Variants in PGGT1B observed in about 807,000 individuals in gnomAD.
PGGT1B encodes the protein geranylgeranyl transferase type-1 subunit beta.
In PGGT1B, 30 loss-of-function variants were observed where a neutral mutation model predicts 46.1. The ratio of observed to expected loss-of-function variants is 0.65; its 90% CI spans 0.49 to 0.88. The LOEUF is 0.88. Ranked by LOEUF, PGGT1B falls within the 40% of genes least tolerant of loss-of-function variation. The pLI is 0.00. For missense variants in PGGT1B, 376 were observed against 455.9 expected, an observed-to-expected ratio of 0.82 and a Z score of 1.60; for synonymous variants, 170 against 160.0, an observed-to-expected ratio of 1.06 and a Z score of -0.47.
At chr5:115,247,429 C>T (rs1034424775) in intron 2 of PGGT1B, among the ~76,000 whole-genome samples, 2 of 152,126 alleles carry the variant, frequency 1.3e-5, no homozygotes, top group African/African-American at 4.8e-5. Flanking sequence ...AACTGATTTG[C>T]TCATGTTCTT....
chr5:115,231,361 G>C (rs1442064460), intron 5 of PGGT1B, among the ~76,000 whole-genome samples: 1 of 151,964 alleles, frequency 6.6e-6, no homozygotes, highest in African/African-American at 2.4e-5. Context: ...GGAGGAAAAT[G>C]TAAGGATTTC....
intron 7 of PGGT1B, among the ~76,000 whole-genome samples, chr5:115,219,306 G>A (rs1259292269): frequency 1.3e-5 from 2 of 151,770 alleles, no homozygotes; most frequent in African/African-American, 4.8e-5. Flanking sequence ...CATATATATA[G>A]TCAACTGACT....
intron 1 of PGGT1B, among the ~76,000 whole-genome samples, chr5:115,257,131 A>G (rs1303158564): frequency 6.6e-6 from 1 of 152,198 alleles, no homozygotes; most frequent in Non-Finnish European, 1.5e-5. Context: ...CAAAGAATCA[A>G]TTCACAGACA....
chr5:115,236,382 G>A lies in PGGT1B; in HGVS notation c.612+8C>T. ...ACCTAAATAGTCAATTTTATCAACAGAACTCACCATACTCCTTCTAATATA... is the reference window on the plus strand; with the variant it reads ...ACCTAAATAGTCAATTTTATCAACAAAACTCACCATACTCCTTCTAATATA... On this transcript the variant is annotated splice_region_variant and intron_variant, in intron 5 of 8. Coordinates refer to ENST00000419445, the MANE Select transcript of PGGT1B (RefSeq NM_005023.4). 6.3e-7 allele frequency: 1 copy of A among 1,589,612 alleles called. No homozygotes were observed. Among genetic ancestry groups the A allele is most frequent in the Non-Finnish European group, 8.5e-7 (1 of 1,170,460 alleles).
chr5:115,242,387 T>C (rs1757374256), intron 2 of PGGT1B, among the ~76,000 whole-genome samples: 1 of 152,190 alleles, frequency 6.6e-6, no homozygotes. Flanking sequence ...ATCAGCAGAC[T>C]GTAAATGCAC....
intron 2 of PGGT1B, among the ~76,000 whole-genome samples, chr5:115,249,705 T>G (rs1013397352): frequency 1.3e-5 from 2 of 152,096 alleles, no homozygotes; most frequent in African/African-American, 4.8e-5. Flanking sequence ...AGTTTAAAAG[T>G]AGAAGGCAAA....
At position 115,204,085 on chromosome 5, in the gene PGGT1B, G is replaced by A. The variant is rs1051644971; in HGVS notation, c.*8317C>T. On this transcript the variant is annotated 3_prime_UTR_variant, in exon 9 of 9. Coordinates refer to ENST00000419445, the MANE Select transcript of PGGT1B (RefSeq NM_005023.4). Reference sequence around the variant, plus strand: ...CACACTAAAATCATATTAGTTTTTCGGGGGTAGGAGTAAAGATCACATTGT... The same window carrying A: ...CACACTAAAATCATATTAGTTTTTCAGGGGTAGGAGTAAAGATCACATTGT... The A allele has an allele frequency of 3.3e-5, 5 of 151,984 alleles. No individual in the cohort carries two copies. The highest frequency in any genetic ancestry group is 2.6e-4 in the Admixed American group (4 of 15,254). The allele number at this position is 151,984 out of a possible 1,614,324, so 9.4% of individuals were successfully genotyped here.
intron 1 of PGGT1B, among the ~76,000 whole-genome samples, chr5:115,253,902 A>G (rs1301271706): frequency 2.0e-5 from 3 of 152,048 alleles, no homozygotes; most frequent in Non-Finnish European, 4.4e-5. Context: ...CTGTGCTTTC[A>G]TATAAAAATC....
chr5:115,218,595 A>G (rs563751474), intron 7 of PGGT1B, among the ~76,000 whole-genome samples: 1 of 151,092 alleles, frequency 6.6e-6, no homozygotes, highest in African/African-American at 2.4e-5. Flanking sequence ...TATTAAGGGA[A>G]AGAATTCAGT....
chr5:115,224,101 A>C (rs547204384), intron 6 of PGGT1B, among the ~76,000 whole-genome samples: 7 of 111,150 alleles, frequency 6.3e-5, no homozygotes, highest in African/African-American at 3.1e-4. Flanking sequence ...TCTTGAGTGA[A>C]TCAAAAGAAA....
intron 5 of PGGT1B, chr5:115,231,650 G>C (rs933102802): frequency 3.3e-5 from 5 of 152,038 alleles, no homozygotes; most frequent in African/African-American, 1.2e-4. Context: ...GAGCAAGGGT[G>C]ATTTATGAAA....
chr5:115,254,357 T>C (rs1748225361), intron 1 of PGGT1B, among the ~76,000 whole-genome samples: 2 of 152,020 alleles, frequency 1.3e-5, no homozygotes, highest in African/African-American at 4.8e-5. Context: ...AGGACCCAAA[T>C]CTAAATATGA....
intron 6 of PGGT1B, among the ~76,000 whole-genome samples, chr5:115,229,474 T>A (rs866092431): frequency 5.9e-5 from 9 of 152,140 alleles, no homozygotes; most frequent in Admixed American, 3.3e-4. Flanking sequence ...TCCTAATGGG[T>A]ACAGCCTACT....
At chr5:115,251,457 T>C (rs888907497) in intron 2 of PGGT1B, among the ~76,000 whole-genome samples, 1 of 152,006 alleles carries the variant, frequency 6.6e-6, no homozygotes, top group African/African-American at 2.4e-5. Flanking sequence ...TAGGGGGAAG[T>C]AAACACTTAT....
At chr5:115,213,201 C>T (rs562959828) in intron 8 of PGGT1B, among the ~76,000 whole-genome samples, 1 of 152,320 alleles carries the variant, frequency 6.6e-6, no homozygotes, top group African/African-American at 2.4e-5. Flanking sequence ...ACAATAAAAA[C>T]AAACTCACAT....
chr5:115,251,406 T>C (rs1187707849), intron 2 of PGGT1B, among the ~76,000 whole-genome samples: 1 of 152,082 alleles, frequency 6.6e-6, no homozygotes, highest in East Asian at 1.9e-4. Context: ...ACAACATAGA[T>C]ATAATAGCGT....
intron 6 of PGGT1B, among the ~76,000 whole-genome samples, chr5:115,230,650 T>TA (rs1282817296): frequency 6.6e-6 from 1 of 152,156 alleles, no homozygotes; most frequent in African/African-American, 2.4e-5. Context: ...TCTAGCCTTT[T>TA]AGAGTTATGC....
At chr5:115,247,950 T>A (rs1472177102) in intron 2 of PGGT1B, among the ~76,000 whole-genome samples, 1 of 152,248 alleles carries the variant, frequency 6.6e-6, no homozygotes, top group Non-Finnish European at 1.5e-5. Context: ...TGTCTTGATC[T>A]ATAATATTTC....
intron 2 of PGGT1B, among the ~76,000 whole-genome samples, chr5:115,249,058 A>T (rs1051198392): frequency 6.6e-6 from 1 of 152,192 alleles, no homozygotes; most frequent in African/African-American, 2.4e-5. Flanking sequence ...AAACATATTT[A>T]CTTATGGTAA....
Sources: allele counts gnomAD v4.1 joint callset (sites outside exome capture counted in the v4.1 genomes callset), GRCh38; gene constraint gnomAD v4.1.1; transcripts MANE v1.5; gene names NCBI Gene and HGNC (gene_info 2026-07-23, HGNC 2026-07-21).